TMCO6: variants seen among roughly 807,000 people sequenced by gnomAD.
TMCO6 encodes transmembrane and coiled-coil domains 6, also known as transmembrane and coiled-coil domain-containing protein 6.
A neutral mutation model predicts 61.8 loss-of-function variants in TMCO6; 47 were observed. That is an observed-to-expected ratio of 0.76 (90% CI 0.60 to 0.97). TMCO6 has a LOEUF of 0.97. Among genes scored for constraint, TMCO6 ranks in the 50% least tolerant of loss-of-function variants. The probability of loss-of-function intolerance (pLI) is 0.00; values close to 1 mark genes in which losing one functional copy is unlikely to be tolerated. For synonymous variants in TMCO6, 261 were observed against 254.2 expected (o/e 1.03, Z -0.25); for missense variants, 557 against 601.6 (o/e 0.93, Z 0.78).
At chr5:140,596,874 G>A in the TMCO6 span, among the ~76,000 whole-genome samples, 1 of 152,194 alleles carries the variant, frequency 6.6e-6, no homozygotes, top group Non-Finnish European at 1.5e-5. Context: ...GGCTTCTGCT[G>A]TCCTTTGCTG....
At chr5:140,638,915 C>T (rs894553374), upstream of TMCO6, 1 of 152,630 alleles carries the variant, frequency 6.6e-6, no homozygotes, top group Non-Finnish European at 1.5e-5. Flanking sequence ...TATGTAAAAC[C>T]AAGCTGTACC....
the TMCO6 span, chr5:140,632,719 G>C: frequency 6.2e-7 from 1 of 1,613,686 alleles, no homozygotes; most frequent in African/African-American, 1.3e-5. The surrounding 1 kb of genome is among the most constrained non-coding windows in gnomAD (Gnocchi z 6.2). Flanking sequence ...CGCACGCGGA[G>C]AGCCTTGACC....
At chr5:140,642,150 T>C in intron 4 of TMCO6, 97 bp downstream of exon 4, 1 of 1,494,674 alleles carries the variant, frequency 6.7e-7, no homozygotes, top group Non-Finnish European at 9.1e-7. Context: ...AGAAAACATG[T>C]TTGCCCTTAT....
At chr5:140,616,335 G>A in the TMCO6 span, among the ~76,000 whole-genome samples, 1 of 151,568 alleles carries the variant, frequency 6.6e-6, no homozygotes. Flanking sequence ...CAATGCGGGA[G>A]GATTGCTTGA....
the TMCO6 span, among the ~76,000 whole-genome samples, chr5:140,608,824 T>A: frequency 6.6e-6 from 1 of 152,246 alleles, no homozygotes; most frequent in Non-Finnish European, 1.5e-5. Context: ...GGTATATTTC[T>A]GAACTCTCAC....
intron 7 of TMCO6, 81 bp from the exon 8 acceptor site, chr5:140,643,483 C>T: frequency 2.2e-6 from 3 of 1,335,152 alleles, no homozygotes; most frequent in East Asian, 4.6e-5. Context: ...AGGCATAAGC[C>T]ACCACGCCTA....
chr5:140,620,120 G>A, the TMCO6 span, among the ~76,000 whole-genome samples: 2 of 152,182 alleles, frequency 1.3e-5, no homozygotes, highest in Admixed American at 1.3e-4. Context: ...AAAACTTGGG[G>A]GCAACTAAGA....
chr5:140,605,686 AAAC>A, the TMCO6 span, among the ~76,000 whole-genome samples: 7 of 138,230 alleles, frequency 5.1e-5, no homozygotes, highest in African/African-American at 1.7e-4. Flanking sequence ...TCTCAAAAAA[AAAC>A]AAAACACACA....
the TMCO6 span, among the ~76,000 whole-genome samples, chr5:140,619,523 G>A: frequency 1.3e-5 from 2 of 152,020 alleles, no homozygotes; most frequent in African/African-American, 2.4e-5. Context: ...AAGATAGGGA[G>A]GCTAAAAGCA....
chr5:140,623,625 T>C, the TMCO6 span, among the ~76,000 whole-genome samples: 1 of 152,260 alleles, frequency 6.6e-6, no homozygotes, highest in Admixed American at 6.5e-5. Context: ...GCGAAATGTA[T>C]CTATGCTCAC....
At chr5:140,642,726 G>A in intron 6 of TMCO6, 55 bp downstream of exon 6, 1 of 1,590,462 alleles carries the variant, frequency 6.3e-7, no homozygotes, top group Non-Finnish European at 8.6e-7. Flanking sequence ...CAGTAGTATA[G>A]CTCCCGGATG....
the TMCO6 span, among the ~76,000 whole-genome samples, chr5:140,605,222 GT>G: frequency 6.6e-6 from 1 of 152,056 alleles, no homozygotes; most frequent in Non-Finnish European, 1.5e-5. Flanking sequence ...ATCCCCAATA[GT>G]TTTTTTGTGA....
the TMCO6 span, among the ~76,000 whole-genome samples, chr5:140,625,849 G>T: frequency 6.6e-6 from 1 of 152,154 alleles, no homozygotes; most frequent in Non-Finnish European, 1.5e-5. Context: ...TATGTTGGGG[G>T]TGATGTTGGT....
At chr5:140,644,886 GGGAATGCACCCTCT>G (rs1757303288) in intron 11 of TMCO6, 85 bp from the exon 12 acceptor site, 29 of 1,499,750 alleles carry the variant, frequency 1.9e-5, no homozygotes, top group Non-Finnish European at 2.5e-5. Context: ...CCTCTTGTTG[GGGAATGCACCCTCT>G]GGAGTAGGCT....
the TMCO6 span, among the ~76,000 whole-genome samples, chr5:140,602,366 A>G: frequency 6.6e-6 from 1 of 152,138 alleles, no homozygotes; most frequent in Non-Finnish European, 1.5e-5. Flanking sequence ...CGCCCTACAC[A>G]TCCCACTTAT....
the TMCO6 span, among the ~76,000 whole-genome samples, chr5:140,598,523 G>A: frequency 6.6e-6 from 1 of 152,174 alleles, no homozygotes; most frequent in Non-Finnish European, 1.5e-5. Flanking sequence ...GTGACTCTTG[G>A]TTTGAAGAAA....
the TMCO6 span, among the ~76,000 whole-genome samples, chr5:140,616,615 G>T: frequency 6.6e-6 from 1 of 152,142 alleles, no homozygotes; most frequent in Non-Finnish European, 1.5e-5. Flanking sequence ...TGCATCAAAG[G>T]ATGCAATCAG....
At chr5:140,646,309 C>G (rs1218179053), downstream of TMCO6, among the ~76,000 whole-genome samples, 2 of 152,212 alleles carry the variant, frequency 1.3e-5, no homozygotes, top group Non-Finnish European at 2.9e-5. Context: ...CCGCACCCAG[C>G]TGGGTACCCA....
chr5:140,647,392 C>G, downstream of TMCO6: 1 of 1,611,090 alleles, frequency 6.2e-7, no homozygotes, highest in East Asian at 2.2e-5. Flanking sequence ...GCCGCGCGTG[C>G]TGTGGGCGGG....
Sources: gnomAD v4.1 joint callset for allele counts (sites outside exome capture counted in the v4.1 genomes callset) on GRCh38, gnomAD v4.1.1 for gene constraint, Gnocchi (gnomAD v3.1) non-coding constraint, MANE v1.5 for transcripts, NCBI Gene and HGNC (gene_info 2026-07-23, HGNC 2026-07-21) for gene names.